Variants in FHIT observed in about 807,000 individuals in gnomAD.
FHIT encodes the protein fragile histidine triad diadenosine triphosphatase.
In FHIT, 19 loss-of-function variants were observed where a neutral mutation model predicts 17.9. The ratio of observed to expected loss-of-function variants is 1.06; its 90% CI spans 0.74 to 1.56. FHIT has a LOEUF of 1.56. Among genes scored for constraint, FHIT ranks in the 40% most tolerant of loss-of-function variants. FHIT has a pLI of 0.00. For synonymous variants in FHIT, 81 were observed against 69.7 expected, an observed-to-expected ratio of 1.16 and a Z score of -0.81; for missense variants, 248 against 189.2, an observed-to-expected ratio of 1.31 and a Z score of -1.82.
At chr3:60,801,157 A>G (rs76284788) in intron 4 of FHIT, among the ~76,000 whole-genome samples, 7,879 of 152,294 alleles carry the variant, frequency 0.052, 215 homozygotes, top group South Asian at 0.12. Flanking sequence ...TGCTTCAGAC[A>G]TGTCTAAACA....
At chr3:60,200,671 GAAAAA>G (rs5849342) in intron 5 of FHIT, among the ~76,000 whole-genome samples, 1 of 146,050 alleles carries the variant, frequency 6.8e-6, no homozygotes, top group Non-Finnish European at 1.5e-5. Context: ...GCTTTTGGGG[GAAAAA>G]AAAAAAAGGC....
chr3:60,985,472 A>G (rs750624198), intron 3 of FHIT, among the ~76,000 whole-genome samples: 1 of 152,186 alleles, frequency 6.6e-6, no homozygotes, highest in Non-Finnish European at 1.5e-5. Context: ...CCCACTGCCT[A>G]TGGCCACAGG....
intron 4 of FHIT, among the ~76,000 whole-genome samples, chr3:60,694,671 C>A (rs1553700203): frequency 6.6e-6 from 1 of 152,138 alleles, no homozygotes; most frequent in Non-Finnish European, 1.5e-5. Context: ...ACCCAAATGT[C>A]CATCAATGAT....
chr3:60,541,400 T>C (rs986285137), intron 4 of FHIT, among the ~76,000 whole-genome samples: 12 of 152,344 alleles, frequency 7.9e-5, no homozygotes, highest in Middle Eastern at 6.8e-3. Context: ...CCTGTGATTA[T>C]TTCCCTCCCC....
intron 3 of FHIT, among the ~76,000 whole-genome samples, chr3:60,827,530 T>C (rs17064044): frequency 0.049 from 7,480 of 152,322 alleles, 232 homozygotes; most frequent in South Asian, 0.11. Flanking sequence ...ATTTGAGTGT[T>C]GATAAACATG....
intron 5 of FHIT, among the ~76,000 whole-genome samples, chr3:60,446,324 A>C (rs1209092003): frequency 6.6e-6 from 1 of 152,164 alleles, no homozygotes; most frequent in Non-Finnish European, 1.5e-5. Flanking sequence ...GAGACTCTGC[A>C]TGATGGTATC....
At chr3:59,848,903 G>A (rs918480418) in intron 8 of FHIT, among the ~76,000 whole-genome samples, 1 of 152,160 alleles carries the variant, frequency 6.6e-6, no homozygotes, top group African/African-American at 2.4e-5. Flanking sequence ...GTATTCAGCT[G>A]CATCTGTCAT....
intron 5 of FHIT, among the ~76,000 whole-genome samples, chr3:60,127,506 C>T (rs893769546): frequency 7.9e-5 from 12 of 152,118 alleles, no homozygotes; most frequent in Non-Finnish European, 1.2e-4. Context: ...ATGATATGAA[C>T]CTCATTCATA....
At chr3:60,942,484 T>C (rs1302848348) in intron 3 of FHIT, among the ~76,000 whole-genome samples, 1 of 152,120 alleles carries the variant, frequency 6.6e-6, no homozygotes, top group Non-Finnish European at 1.5e-5. Flanking sequence ...TTATTCATGG[T>C]ATATTCTTTT....
chr3:60,163,135 C>T (rs1701011852), intron 5 of FHIT, among the ~76,000 whole-genome samples: 1 of 41,582 alleles, frequency 2.4e-5, no homozygotes, highest in Non-Finnish European at 5.3e-5. Context: ...TTTCACTGCC[C>T]TATGGCCCGT....
chr3:60,859,163 A>C (rs142830493), intron 3 of FHIT, among the ~76,000 whole-genome samples: 3 of 152,152 alleles, frequency 2.0e-5, no homozygotes, highest in African/African-American at 7.2e-5. Flanking sequence ...TCCTATCCCA[A>C]TAGGAGTATC....
chr3:61,087,976 G>A (rs149056771), intron 2 of FHIT, among the ~76,000 whole-genome samples: 34 of 152,186 alleles, frequency 2.2e-4, no homozygotes, highest in African/African-American at 5.8e-4. Flanking sequence ...CTGAGAGGCC[G>A]GATCTTAGAG....
At chr3:60,988,389 G>A (rs986104279) in intron 3 of FHIT, among the ~76,000 whole-genome samples, 3 of 152,108 alleles carry the variant, frequency 2.0e-5, no homozygotes, top group Non-Finnish European at 2.9e-5. Context: ...GAATCCCTAC[G>A]TGATGGAGCC....
In FHIT at chr3:61,004,399, A is replaced by G. The variant is rs548688157; in HGVS notation, c.-111+37648T>C. Among the ~76,000 whole-genome samples the G allele has an allele frequency of 9.2e-5, 14 of 152,312 alleles. No individual in the cohort carries two copies. In the South Asian group the frequency reaches 2.1e-3, roughly 23 times the overall value. ...GAATTGAGCAGGACACAGATGGCCC[A>G]CTGAAATTAGAATAATTTGAGGAAG... On this transcript the variant is annotated intron_variant, in intron 3 of 9. Transcript: ENST00000492590.
chr3:61,133,971 C>T (rs190987522), intron 2 of FHIT, among the ~76,000 whole-genome samples: 3 of 152,128 alleles, frequency 2.0e-5, no homozygotes, highest in Admixed American at 6.5e-5. Flanking sequence ...ACCTGTAATC[C>T]CAGCTACTCA....
At chr3:60,134,229 C>T (rs1476718459) in intron 5 of FHIT, among the ~76,000 whole-genome samples, 1 of 152,090 alleles carries the variant, frequency 6.6e-6, no homozygotes, top group Non-Finnish European at 1.5e-5. Flanking sequence ...GGAAAATATC[C>T]ATGACACTTC....
intron 2 of FHIT, among the ~76,000 whole-genome samples, chr3:61,083,772 G>C (rs1455414690): frequency 1.3e-5 from 2 of 152,008 alleles, no homozygotes; most frequent in Non-Finnish European, 2.9e-5. Flanking sequence ...TTGTTTTTGT[G>C]ACTGGCTTCT....
At chr3:60,577,524 A>G (rs1553658008) in intron 4 of FHIT, among the ~76,000 whole-genome samples, 1 of 152,202 alleles carries the variant, frequency 6.6e-6, no homozygotes, top group Non-Finnish European at 1.5e-5. Flanking sequence ...AACGTAGTCA[A>G]TGGTTCATTT....
At chr3:60,843,477 G>A (rs541358520) in intron 3 of FHIT, among the ~76,000 whole-genome samples, 1 of 152,168 alleles carries the variant, frequency 6.6e-6, no homozygotes, top group African/African-American at 2.4e-5. Context: ...CTAACCAAAA[G>A]AGCCTTGCAT....
Sources: gnomAD v4.1 joint callset for allele counts (sites outside exome capture counted in the v4.1 genomes callset) on GRCh38, gnomAD v4.1.1 for gene constraint, MANE v1.5 for transcripts, NCBI Gene and HGNC (gene_info 2026-07-23, HGNC 2026-07-21) for gene names.